SMPD4: variants seen among roughly 807,000 people sequenced by gnomAD.
The protein encoded by SMPD4 is sphingomyelin phosphodiesterase 4, also known as neutral sphingomyelinase 3.
A neutral mutation model predicts 97.8 loss-of-function variants in SMPD4; 58 were observed. The ratio of observed to expected loss-of-function variants is 0.59; its 90% CI spans 0.48 to 0.74. The LOEUF (loss-of-function observed/expected upper bound fraction) is 0.74. Ranked by LOEUF, SMPD4 falls within the 30% of genes least tolerant of loss-of-function variation. SMPD4 has a pLI of 0.00. For missense variants in SMPD4, 853 were observed against 1,080.5 expected (o/e 0.79, Z 2.95); for synonymous variants, 388 against 450.0 (o/e 0.86, Z 1.74).
chr2:130,165,108 TAAAAAAAAAAAAAA>T (rs35361623), intron 9 of SMPD4, among the ~76,000 whole-genome samples: 8 of 61,914 alleles, frequency 1.3e-4, no homozygotes, highest in Middle Eastern at 0.013. Flanking sequence ...GACTCTGATT[TAAAAAAAAAAAAAA>T]AAAAAAAAAA....
At position 130,173,498 on chromosome 2, in the gene SMPD4, T is replaced by G. The variant is rs752994360; in HGVS notation, c.269+16A>C. ...GAGGAATCACCCAGCCTCTCTCCGG[T>G]GACCAACCTACCTACCCAGGGTCGA... On this transcript the variant is annotated intron_variant, in intron 4 of 19. Transcript: ENST00000680298. 4 of 1,591,736 alleles carry G rather than the reference T, an allele frequency of 2.5e-6. No individual in the cohort carries two copies. In the South Asian group the frequency reaches 4.6e-5, roughly 18 times the overall value.
upstream of SMPD4, chr2:130,181,608 G>A (rs760780966): frequency 6.3e-7 from 1 of 1,596,386 alleles, no homozygotes; most frequent in Non-Finnish European, 8.5e-7. Flanking sequence ...TCATCAAGCT[G>A]CGCGCAGAGC....
In SMPD4 at chr2:130,181,209, G is replaced by T. The variant is rs776468238; in HGVS notation, c.-46+321C>A. 2.1e-4 allele frequency: 242 copies of T among 1,149,846 alleles called. 2 individuals are homozygous for T. Among genetic ancestry groups the T allele is most frequent in the Admixed American group, 8.3e-4 (20 of 24,176 alleles). The allele number at this position is 1,149,846 out of a possible 1,614,324, so 71.2% of individuals were successfully genotyped here. On this transcript the variant is annotated intron_variant, in intron 1 of 19. Coordinates refer to ENST00000680298, the MANE Select transcript of SMPD4 (RefSeq NM_017951.5). ...CACACCCGGCTCTTACACCCACACC[G>T]CCTGTTGAGCCCAAGGCTCAACTTC... is the stretch of plus-strand genomic sequence containing the variant.
At chr2:130,158,115 G>A in intron 11 of SMPD4, 1 of 1,030,558 alleles carries the variant, frequency 9.7e-7, no homozygotes, top group Non-Finnish European at 1.3e-6. Flanking sequence ...ACTCCAGCGT[G>A]GGTGAGAGTA....
intron 11 of SMPD4, chr2:130,158,168 C>T (rs1472202453): frequency 2.5e-5 from 32 of 1,264,258 alleles, no homozygotes; most frequent in Non-Finnish European, 3.3e-5. Flanking sequence ...TCACTTTCCT[C>T]CCCAATTCCT....
rs1290954110 is a variant in SMPD4 at position 130,152,362 on chromosome 2, C to T, written c.*193G>A. The T allele has an allele frequency of 1.6e-6, 1 of 637,600 alleles. No individual in the cohort carries two copies. Among genetic ancestry groups the T allele is most frequent in the Non-Finnish European group, 2.7e-6 (1 of 373,358 alleles). The allele number at this position is 637,600 out of a possible 1,614,324, so 39.5% of individuals were successfully genotyped here. On this transcript the variant is annotated 3_prime_UTR_variant, in exon 20 of 20. Transcript: ENST00000680298. Reference sequence around the variant, plus strand: ...TAGCTGTTGAGCCCTGGCAGCTACTCCTTTGCTGGGGCCCACCTGCCTTCC... The same window carrying T: ...TAGCTGTTGAGCCCTGGCAGCTACTTCTTTGCTGGGGCCCACCTGCCTTCC...
rs1686346030 is a variant in SMPD4, at chr2:130,152,680, A to C, written c.2359T>G (p.Phe787Val). Residue 787 changes from phenylalanine (F) to valine (V), a missense_variant, in exon 20 of 20, where the codon TTC becomes GTC. By Grantham distance (50) the Phe-to-Val change is conservative. This residue lies in a region of SMPD4 where 511 missense variants were observed against 608.1 expected (regional missense o/e 0.84). Coordinates refer to ENST00000680298, the MANE Select transcript of SMPD4 (RefSeq NM_017951.5). The part of the protein sequence containing the change: ...YRTLVSLLLA[F>V]FVASLFCVGP... ...ACGCAGAACAGAGAGGCCACGAAGA[A>C]GGCCAGCAGCAGCGAGACCAGCGTC... 2.5e-6 allele frequency: 4 copies of C among 1,571,524 alleles called. No individual in the cohort carries two copies. Among genetic ancestry groups the C allele is most frequent in the Non-Finnish European group, 3.5e-6 (4 of 1,159,402 alleles).
chr2:130,173,723 C>A, intron 3 of SMPD4, 67 bp from the exon 4 acceptor site: 1 of 1,599,144 alleles, frequency 6.3e-7, no homozygotes, highest in South Asian at 1.1e-5. Context: ...TCTAGTCCTG[C>A]ACCACCTGCT....
intron 8 of SMPD4, among the ~76,000 whole-genome samples, chr2:130,170,073 G>C (rs1235712169): frequency 1.3e-5 from 2 of 151,994 alleles, no homozygotes; most frequent in Non-Finnish European, 2.9e-5. Context: ...GCTGGCTGTA[G>C]TGATGCATGC....
intron 11 of SMPD4, among the ~76,000 whole-genome samples, chr2:130,158,962 A>G (rs1573678024): frequency 6.6e-6 from 1 of 152,252 alleles, no homozygotes; most frequent in Admixed American, 6.5e-5. Flanking sequence ...CACCCCAGAG[A>G]TAAGTGGCTG....
chr2:130,181,453 G>T (rs1351992514), intron 1 of SMPD4, 77 bp downstream of exon 1: 9 of 1,529,502 alleles, frequency 5.9e-6, no homozygotes, highest in Non-Finnish European at 7.0e-6. Context: ...GCGGAGGAAC[G>T]GAGATGGCCT....
chr2:130,163,554 C>G (rs1255578895), intron 10 of SMPD4, among the ~76,000 whole-genome samples: 1 of 152,230 alleles, frequency 6.6e-6, no homozygotes, highest in Non-Finnish European at 1.5e-5. Context: ...CTGTCAGTGA[C>G]AAAGCCAAAG....
chr2:130,156,572 G>A lies in SMPD4; in HGVS notation c.1188+13C>T. The A allele has an allele frequency of 6.2e-7, 1 of 1,611,098 alleles. No homozygotes were observed. The highest frequency in any genetic ancestry group is 8.5e-7 in the Non-Finnish European group (1 of 1,178,246). ...GAGGACACAGGCACACGTGTGACGG[G>A]GCCAACACTCACAGCTCTGAACGAT... On this transcript the variant is annotated intron_variant, in intron 13 of 19. Transcript: ENST00000680298.
intron 14 of SMPD4, 45 bp downstream of exon 14, chr2:130,155,990 C>T (rs1307391235): frequency 1.3e-6 from 2 of 1,584,112 alleles, no homozygotes; most frequent in East Asian, 2.2e-5. Flanking sequence ...ACAATATCCA[C>T]CTGGGGGAGC....
chr2:130,153,283 C>A lies in SMPD4; in HGVS notation c.2025+36G>T, dbSNP rs747825514. The A allele has an allele frequency of 1.4e-5, 23 of 1,613,210 alleles. No individual in the cohort carries two copies. The South Asian group carries it at 1.5e-4, about 11-fold the overall frequency. The stretch of plus-strand genomic sequence containing the variant: ...GGAGGGAGCTGGGGACGGGTCAGGG[C>A]CCAGCCTGTGCGCCTCTGAGACACG... On this transcript the variant is annotated intron_variant, in intron 18 of 19. Transcript: ENST00000680298.
At position 130,152,957 on chromosome 2, in the gene SMPD4, T is replaced by C. The variant is rs978772382; in HGVS notation, c.2155-73A>G. 7 of 1,556,036 alleles carry C rather than the reference T, an allele frequency of 4.5e-6. No homozygotes were observed. In the Admixed American group the frequency reaches 1.3e-4, roughly 29 times the overall value. Reference sequence around the variant, plus strand: ...GCCTCAGGACAGCAGTACCCCACCCTCACAGGCCACCCCAGGACTGCACCC... The same window carrying C: ...GCCTCAGGACAGCAGTACCCCACCCCCACAGGCCACCCCAGGACTGCACCC... On this transcript the variant is annotated intron_variant, in intron 19 of 19. Transcript: ENST00000680298.
intron 9 of SMPD4, among the ~76,000 whole-genome samples, chr2:130,166,312 A>C (rs1168895058): frequency 4.1e-5 from 6 of 146,668 alleles, no homozygotes; most frequent in Non-Finnish European, 7.5e-5. Flanking sequence ...CCATCTCAAA[A>C]AAAAAAAAAA....
intron 3 of SMPD4, 128 bp from the exon 4 acceptor site, chr2:130,173,784 GC>G: frequency 8.1e-7 from 1 of 1,238,304 alleles, no homozygotes; most frequent in Non-Finnish European, 1.1e-6. Context: ...TATGGGATCA[GC>G]CCTGCACCCA....
intron 8 of SMPD4, among the ~76,000 whole-genome samples, chr2:130,170,140 A>T (rs1464872319): frequency 2.6e-5 from 4 of 152,152 alleles, no homozygotes; most frequent in Non-Finnish European, 5.9e-5. Flanking sequence ...CCAAGTGATG[A>T]TTATGACACT....
Sources: allele counts gnomAD v4.1 joint callset (sites outside exome capture counted in the v4.1 genomes callset), GRCh38; gene constraint gnomAD v4.1.1; regional missense constraint gnomAD v4.1.1; transcripts MANE v1.5; gene names NCBI Gene and HGNC (gene_info 2026-07-23, HGNC 2026-07-21).